Variants in ESAM observed in about 807,000 individuals in gnomAD.
ESAM encodes endothelial cell-selective adhesion molecule.
Under a neutral mutation model 31.8 loss-of-function variants are expected in ESAM, and 23 were observed. That is an observed-to-expected ratio of 0.72 (90% CI 0.52 to 1.03). ESAM has a LOEUF of 1.03. Among genes scored for constraint, ESAM ranks in the 50% least tolerant of loss-of-function variants. The probability of loss-of-function intolerance (pLI) is 0.00; values close to 1 mark genes in which losing one functional copy is unlikely to be tolerated. For missense variants in ESAM, 478 were observed against 488.9 expected, an observed-to-expected ratio of 0.98 and a Z score of 0.21; for synonymous variants, 216 against 207.2, an observed-to-expected ratio of 1.04 and a Z score of -0.37.
At position 124,758,540 on chromosome 11, in the gene ESAM, G is replaced by C. The variant is rs1944185711; in HGVS notation, c.71-13C>G. 7 of 1,523,090 alleles carry C rather than the reference G, an allele frequency of 4.6e-6. No individual in the cohort carries two copies. Among genetic ancestry groups the C allele is most frequent in the Non-Finnish European group, 5.3e-6 (6 of 1,135,406 alleles). 94.3% of individuals were successfully genotyped at this position (1,523,090 alleles called of 1,614,324 possible). On this transcript the variant is annotated splice_polypyrimidine_tract_variant and intron_variant, in intron 1 of 6. Transcript: ENST00000278927. ...CGCGAGGGGGGCGCTGGAGACAAGAGCGAGGCGTGAGTGCCCAGGACCGGC... is the reference window on the plus strand; with the variant it reads ...CGCGAGGGGGGCGCTGGAGACAAGACCGAGGCGTGAGTGCCCAGGACCGGC...
intron 1 of ESAM, among the ~76,000 whole-genome samples, chr11:124,761,496 T>G (rs2134464581): frequency 6.6e-6 from 1 of 151,972 alleles, no homozygotes; most frequent in African/African-American, 2.4e-5. Context: ...TCTGTGCGTT[T>G]GAACCCCTCC....
At chr11:124,761,318 C>T (rs1944226015) in intron 1 of ESAM, among the ~76,000 whole-genome samples, 1 of 152,224 alleles carries the variant, frequency 6.6e-6, no homozygotes, top group Admixed American at 6.5e-5. Flanking sequence ...TCAGCTGAAG[C>T]CAGCGCCCCT....
intron 1 of ESAM, 105 bp downstream of exon 1, chr11:124,761,980 C>A (rs558382059): frequency 2.6e-4 from 260 of 993,574 alleles, no homozygotes; most frequent in Admixed American, 3.7e-4. Flanking sequence ...GGGAGGAGGG[C>A]GAGTCGTGGG....
At chr11:124,761,958 T>G in intron 1 of ESAM, 127 bp downstream of exon 1, 10 of 815,318 alleles carry the variant, frequency 1.2e-5, no homozygotes, top group Non-Finnish European at 2.0e-5. Context: ...TGGAGTGGGA[T>G]TAGGAGGTCA....
chr11:124,754,595 C>A lies in ESAM; in HGVS notation c.730+46G>T. ...GCCTCCTCCCCACTTGCAACCCCTC[C>A]CCCACCATTGACCACTCTTCTTAAC... On this transcript the variant is annotated intron_variant, in intron 5 of 6. Coordinates refer to ENST00000278927, the MANE Select transcript of ESAM (RefSeq NM_138961.3). The surrounding 1 kb of genome is among the most constrained non-coding windows in gnomAD (Gnocchi z 4.5). 1 of 1,585,064 alleles carries A rather than the reference C, an allele frequency of 6.3e-7. No homozygotes were observed.
At chr11:124,758,609 A>C (rs1944186754) in intron 1 of ESAM, 82 bp from the exon 2 acceptor site, 1 of 1,414,136 alleles carries the variant, frequency 7.1e-7, no homozygotes, top group African/African-American at 1.5e-5. Flanking sequence ...GCTTCACCAG[A>C]GAGCGAGGAA....
Position 124,761,455 on chromosome 11 carries a change from TG to T in ESAM, c.70+629del, listed in dbSNP as rs530650297. Among the ~76,000 whole-genome samples the T allele has an allele frequency of 3.2e-3, 486 of 151,358 alleles. 3 individuals are homozygous for T. The highest frequency in any genetic ancestry group is 0.011 in the African/African-American group (447 of 41,380). ...GGAAACCAATAAGGGTGGTGGGCCT[TG>T]GGGGGGTGGGGTGGTCACAATTCTG... On this transcript the variant is annotated intron_variant, in intron 1 of 6. Transcript: ENST00000278927.
chr11:124,760,986 G>C (rs1400288982), intron 1 of ESAM, among the ~76,000 whole-genome samples: 1 of 152,136 alleles, frequency 6.6e-6, no homozygotes, highest in African/African-American at 2.4e-5. Context: ...CTGTACTTGA[G>C]ACTCATTTTG....
Position 124,754,454 on chromosome 11 carries a change from C to A in ESAM, c.731-114G>T. On this transcript the variant is annotated intron_variant, in intron 5 of 6. Transcript: ENST00000278927. The surrounding 1 kb of genome is among the most constrained non-coding windows in gnomAD (Gnocchi z 4.5). Reference sequence around the variant, plus strand: ...ATACACATTCCCTCTTTTTCCCTGTCAAGAAGAGGGGTGGCTGTTGAGCAG... The same window carrying A: ...ATACACATTCCCTCTTTTTCCCTGTAAAGAAGAGGGGTGGCTGTTGAGCAG... The A allele has an allele frequency of 6.6e-7, 1 of 1,505,892 alleles. No individual in the cohort carries two copies. Among genetic ancestry groups the A allele is most frequent in the South Asian group, 1.3e-5 (1 of 76,160 alleles). 93.3% of individuals were successfully genotyped at this position (1,505,892 alleles called of 1,614,324 possible). A position where few individuals can be genotyped will look rare whatever the true frequency, so the allele number is the denominator to read the frequency against.
At chr11:124,755,838 A>T (rs1040091431) in intron 4 of ESAM, among the ~76,000 whole-genome samples, 6 of 151,872 alleles carry the variant, frequency 4.0e-5, no homozygotes, top group East Asian at 1.9e-4. Context: ...TATCCCTAAA[A>T]TTTTTTTTTA....
intron 2 of ESAM, 95 bp downstream of exon 2, chr11:124,758,254 C>T: frequency 6.9e-7 from 1 of 1,446,430 alleles, no homozygotes; most frequent in Non-Finnish European, 9.6e-7. Context: ...CCCCGGCCCC[C>T]ATTCCCTCTC....
At chr11:124,756,800 G>A (rs530354594) in intron 2 of ESAM, 58 bp from the exon 3 acceptor site, 4 of 1,510,226 alleles carry the variant, frequency 2.6e-6, no homozygotes, top group Non-Finnish European at 3.6e-6. Context: ...GTGCCTACAG[G>A]CTCAGCCACT....
chr11:124,756,981 G>A (rs1944163338), intron 2 of ESAM: 8 of 537,984 alleles, frequency 1.5e-5, no homozygotes, highest in Non-Finnish European at 2.7e-5. Flanking sequence ...CAATTGCGGT[G>A]TTTAGAAAGG....
intron 4 of ESAM, among the ~76,000 whole-genome samples, chr11:124,756,006 C>G (rs141562562): frequency 5.9e-5 from 9 of 152,216 alleles, no homozygotes; most frequent in African/African-American, 2.2e-4. Flanking sequence ...TGTTTCATAA[C>G]AGTATACACA....
rs1944112705 is a variant in ESAM, at chr11:124,753,220, C to G, written c.*426G>C. The G allele has an allele frequency of 5.4e-6, 1 of 185,650 alleles. No individual in the cohort carries two copies. The allele number at this position is 185,650 out of a possible 1,614,324, so 11.5% of individuals were successfully genotyped here. On this transcript the variant is annotated 3_prime_UTR_variant, in exon 7 of 7. Coordinates refer to ENST00000278927, the MANE Select transcript of ESAM (RefSeq NM_138961.3). ...TTAGTTTTAATAAGAGATTCCCTAT[C>G]CTCTGCCCCAGTAAAACCTAACCAA... is the stretch of plus-strand genomic sequence containing the variant.
intron 1 of ESAM, 108 bp downstream of exon 1, chr11:124,761,976 AG>A: frequency 1.0e-6 from 1 of 955,264 alleles, no homozygotes; most frequent in South Asian, 1.4e-5. Flanking sequence ...TCAGGGGAGG[AG>A]GGCGAGTCGT....
chr11:124,761,030 T>C (rs1257550341), intron 1 of ESAM, among the ~76,000 whole-genome samples: 1 of 152,178 alleles, frequency 6.6e-6, no homozygotes, highest in Non-Finnish European at 1.5e-5. Flanking sequence ...CCCCGACACC[T>C]GTGGGGCACA....
chr11:124,754,600 C>T lies in ESAM; in HGVS notation c.730+41G>A, dbSNP rs375086541. ...CTCCCCACTTGCAACCCCTCCCCCA[C>T]CATTGACCACTCTTCTTAACCACAC... On this transcript the variant is annotated intron_variant, in intron 5 of 6. Coordinates refer to ENST00000278927, the MANE Select transcript of ESAM (RefSeq NM_138961.3). This position sits in a 1 kb window ranked among gnomAD's most constrained non-coding sequence, Gnocchi z 4.5. 3 of 1,589,966 alleles carry T rather than the reference C, an allele frequency of 1.9e-6. No individual in the cohort carries two copies. The highest frequency in any genetic ancestry group is 2.7e-5 in the African/African-American group (2 of 74,342).
chr11:124,756,073 AT>A, intron 4 of ESAM, 133 bp downstream of exon 4: 1 of 1,249,084 alleles, frequency 8.0e-7, no homozygotes, highest in East Asian at 2.4e-5. Context: ...TCTGCCCCAC[AT>A]CCTCCCCACA....
Sources: allele counts gnomAD v4.1 joint callset (sites outside exome capture counted in the v4.1 genomes callset), GRCh38; gene constraint gnomAD v4.1.1; non-coding constraint Gnocchi (gnomAD v3.1); transcripts MANE v1.5; gene names NCBI Gene and HGNC (gene_info 2026-07-23, HGNC 2026-07-21).